The following RNASE4 variants were observed in gnomAD, a reference collection of about 807,000 sequenced individuals.
The protein encoded by RNASE4 is ribonuclease A family member 4.
For missense variants in RNASE4, 194 were observed against 192.8 expected (o/e 1.01, Z -0.04); for synonymous variants, 93 against 71.4 (o/e 1.30, Z -1.52).
intron 1 of RNASE4, among the ~76,000 whole-genome samples, chr14:20,697,017 G>A (rs1887115836): frequency 6.6e-6 from 1 of 152,192 alleles, no homozygotes; most frequent in South Asian, 2.1e-4. Flanking sequence ...AGTGTGCGTT[G>A]GGATGATGTG....
intron 1 of RNASE4, among the ~76,000 whole-genome samples, chr14:20,686,398 G>C (rs1381139718): frequency 1.3e-5 from 2 of 152,238 alleles, no homozygotes; most frequent in Admixed American, 6.5e-5. Flanking sequence ...ATTGTTGGAA[G>C]CATTGGTCAC....
intron 1 of RNASE4, among the ~76,000 whole-genome samples, chr14:20,692,535 T>C (rs1428807961): frequency 6.6e-6 from 1 of 152,236 alleles, no homozygotes; most frequent in Non-Finnish European, 1.5e-5. Context: ...TAGATTCTCA[T>C]AGGAGCTGGA....
chr14:20,691,771 A>C (rs749131398), intron 1 of RNASE4, among the ~76,000 whole-genome samples: 2 of 152,266 alleles, frequency 1.3e-5, no homozygotes, highest in Non-Finnish European at 2.9e-5. Flanking sequence ...CATTAAGTTC[A>C]TAGATTATAA....
chr14:20,691,815 A>T (rs1046410221), intron 1 of RNASE4, among the ~76,000 whole-genome samples: 1 of 152,262 alleles, frequency 6.6e-6, no homozygotes, highest in Non-Finnish European at 1.5e-5. Flanking sequence ...TGCAAATTAG[A>T]AAGAGAGCCC....
rs1260155597 is a variant in RNASE4 at position 20,700,039 on chromosome 14, A to G, written c.*224A>G. 7 of 561,056 alleles carry G rather than the reference A, an allele frequency of 1.2e-5. No homozygotes were observed. The highest frequency in any genetic ancestry group is 3.3e-5 in the Admixed American group (1 of 30,374). The allele number at this position is 561,056 out of a possible 1,614,324, so 34.8% of individuals were successfully genotyped here. ...TTTTCTGTAATAAGCTTCCTTTTAT[A>G]ATACTGGTCAGCTTAGCTCTCTCAG... On this transcript the variant is annotated 3_prime_UTR_variant, in exon 2 of 2. Coordinates refer to ENST00000555835, the MANE Select transcript of RNASE4 (RefSeq NM_002937.5).
intron 1 of RNASE4, chr14:20,693,709 T>C: frequency 1.9e-6 from 3 of 1,614,142 alleles, no homozygotes; most frequent in East Asian, 2.2e-5. Context: ...GGATGACAGA[T>C]ACTGTGAAAG....
intron 1 of RNASE4, among the ~76,000 whole-genome samples, chr14:20,698,429 A>G (rs554880766): frequency 6.6e-6 from 1 of 152,338 alleles, no homozygotes; most frequent in Admixed American, 6.5e-5. Context: ...TGCTGTTTAA[A>G]TTTATTTTTT....
In RNASE4 at chr14:20,699,450, T is replaced by A. The variant is rs772399740; in HGVS notation, c.79T>A (p.Tyr27Asn). ...GGGGCTGGGGCTGGTCCAGCCCTCC[T>A]ATGGCCAGGATGGCATGTACCAGCG... Reference protein sequence around the residue: ...LLGLGLVQPSYGQDGMYQRFL... With the variant: ...LLGLGLVQPSNGQDGMYQRFL... The change falls in exon 2 of 2, where the codon TAT becomes AAT. Residue 27 changes from tyrosine (Y) to asparagine (N), a missense_variant. Coordinates refer to ENST00000555835, the MANE Select transcript of RNASE4 (RefSeq NM_002937.5). 1 of 1,613,746 alleles carries A rather than the reference T, an allele frequency of 6.2e-7. No individual in the cohort carries two copies.
intron 1 of RNASE4, chr14:20,699,135 A>C: frequency 2.0e-6 from 1 of 508,464 alleles, no homozygotes; most frequent in East Asian, 3.2e-5. Context: ...TCTCTCTGTA[A>C]ATGAGAAAGG....
chr14:20,696,277 T>G (rs960935375), intron 1 of RNASE4, among the ~76,000 whole-genome samples: 1 of 152,170 alleles, frequency 6.6e-6, no homozygotes, highest in African/African-American at 2.4e-5. Context: ...TGGGAGTGTT[T>G]CCTGACCTGC....
At position 20,698,501 on chromosome 14, in the gene RNASE4, T is replaced by A. The variant is rs1206949964; in HGVS notation, c.-17-854T>A. 2.6e-5 allele frequency among the ~76,000 whole-genome samples: 4 copies of A among 152,228 alleles called. No homozygotes were observed. In the South Asian group the frequency reaches 8.3e-4, roughly 31 times the overall value. On this transcript the variant is annotated intron_variant, in intron 1 of 1. Coordinates refer to ENST00000555835, the MANE Select transcript of RNASE4 (RefSeq NM_002937.5). Reference sequence around the variant, plus strand: ...AAGCCTGGGAAACATCTTTACTCTATCCATTTAATTGCATTTGTTCATTAG... The same window carrying A: ...AAGCCTGGGAAACATCTTTACTCTAACCATTTAATTGCATTTGTTCATTAG...
Position 20,688,675 on chromosome 14 carries a change from C to G in RNASE4, c.-18+3917C>G, listed in dbSNP as rs897464339. 6.1e-6 allele frequency: 6 copies of G among 985,094 alleles called. No individual in the cohort carries two copies. The African/African-American group carries it at 7.0e-5, about 11-fold the overall frequency. 61.0% of individuals were successfully genotyped at this position (985,094 alleles called of 1,614,324 possible). A position where few individuals can be genotyped will look rare whatever the true frequency, so the allele number is the denominator to read the frequency against. ...CCCAGCGAAAAGGTGAATGACCCTCCTCGTTTGTTCAAGAGCAGTGTCCTT... is the reference window on the plus strand; with the variant it reads ...CCCAGCGAAAAGGTGAATGACCCTCGTCGTTTGTTCAAGAGCAGTGTCCTT... On this transcript the variant is annotated intron_variant, in intron 1 of 1. Coordinates refer to ENST00000555835, the MANE Select transcript of RNASE4 (RefSeq NM_002937.5).
rs1002905271 is a variant in RNASE4 at position 20,684,690 on chromosome 14, G to T, written c.-86G>T. 1 of 152,314 alleles carries T rather than the reference G, an allele frequency of 6.6e-6. No individual in the cohort carries two copies. The highest frequency in any genetic ancestry group is 2.4e-5 in the African/African-American group (1 of 41,466). 9.4% of individuals were successfully genotyped at this position (152,314 alleles called of 1,614,324 possible). ...TCCCCATCATCGTACTAGGGAGGAA[G>T]AAGCGGGTGAGAAACAAAACTTCTT... is the stretch of plus-strand genomic sequence containing the variant. On this transcript the variant is annotated 5_prime_UTR_variant, in exon 1 of 2. Coordinates refer to ENST00000555835, the MANE Select transcript of RNASE4 (RefSeq NM_002937.5).
chr14:20,688,828 C>G, intron 1 of RNASE4: 1 of 985,396 alleles, frequency 1.0e-6, no homozygotes, highest in Non-Finnish European at 1.2e-6. Context: ...GAACCCATCT[C>G]CCGTTGAAGG....
At chr14:20,691,103 C>A (rs992825498) in intron 1 of RNASE4, among the ~76,000 whole-genome samples, 4 of 152,212 alleles carry the variant, frequency 2.6e-5, no homozygotes, top group Non-Finnish European at 4.4e-5. Context: ...CCAGCTCATA[C>A]TCCCTTCTGT....
At chr14:20,689,915 C>CAA (rs58958050) in intron 1 of RNASE4, among the ~76,000 whole-genome samples, 1,838 of 121,504 alleles carry the variant, frequency 0.015, 21 homozygotes, top group South Asian at 0.058. Flanking sequence ...GACTCTGTCT[C>CAA]AAAAAAAAAA....
intron 1 of RNASE4, among the ~76,000 whole-genome samples, chr14:20,697,545 A>G (rs1029353349): frequency 2.0e-5 from 3 of 152,230 alleles, no homozygotes; most frequent in African/African-American, 7.2e-5. Context: ...ATTTAAAAGA[A>G]CAATATCCAT....
chr14:20,690,543 C>T (rs965535623), intron 1 of RNASE4, among the ~76,000 whole-genome samples: 3 of 152,074 alleles, frequency 2.0e-5, no homozygotes, highest in Non-Finnish European at 2.9e-5. Context: ...TTTTGGTGTA[C>T]GCTTGCTGAG....
intron 1 of RNASE4, chr14:20,688,595 C>T (rs1164300183): frequency 2.6e-6 from 2 of 759,828 alleles, no homozygotes; most frequent in Non-Finnish European, 3.2e-6. Context: ...CAAACTTTGT[C>T]TTCCAGAACA....
Sources: allele counts gnomAD v4.1 joint callset (sites outside exome capture counted in the v4.1 genomes callset), GRCh38; gene constraint gnomAD v4.1.1; transcripts MANE v1.5; gene names NCBI Gene and HGNC (gene_info 2026-07-23, HGNC 2026-07-21).